Variants in PTPRB observed in about 807,000 individuals in gnomAD.
PTPRB encodes receptor-type tyrosine-protein phosphatase beta.
PTPRB carries 97 observed loss-of-function variants against 238.1 expected under a neutral mutation model. The ratio of observed to expected loss-of-function variants is 0.41; its 90% CI spans 0.35 to 0.48. The LOEUF (loss-of-function observed/expected upper bound fraction) is 0.48. PTPRB is among the 20% of genes least tolerant of loss of function. The pLI is 0.30. For missense variants in PTPRB, 2,292 were observed against 2,681.9 expected (o/e 0.85, Z 3.21); for synonymous variants, 970 against 995.4 (o/e 0.97, Z 0.48).
At position 70,566,418 on chromosome 12, in the gene PTPRB, T is replaced by G; in HGVS notation, c.3904+17A>C. ...ATTGGCAATATGTGCTACAAAACAT[T>G]ATGCTGTGCTAATTACCTGTTCGGC... is the stretch of plus-strand genomic sequence containing the variant. On this transcript the variant is annotated intron_variant, in intron 15 of 33. Transcript: ENST00000334414. 6.2e-7 allele frequency: 1 copy of G among 1,611,634 alleles called. No homozygotes were observed. The highest frequency in any genetic ancestry group is 8.5e-7 in the Non-Finnish European group (1 of 1,178,594).
intron 3 of PTPRB, among the ~76,000 whole-genome samples, chr12:70,619,897 C>T (rs1393711110): frequency 6.6e-6 from 1 of 152,072 alleles, no homozygotes; most frequent in Non-Finnish European, 1.5e-5. Flanking sequence ...AATTTATATC[C>T]CAAGTGACTC....
At position 70,519,601 on chromosome 12, in the gene PTPRB, G is replaced by C. The variant is rs1212419595; in HGVS notation, c.*1888C>G. The stretch of plus-strand genomic sequence containing the variant: ...ATGTGCTTTGCATCAAGCAACATTA[G>C]TGTAAAATTCTGCTTTTTCTCTTTT... On this transcript the variant is annotated 3_prime_UTR_variant, in exon 34 of 34. Coordinates refer to ENST00000334414, the MANE Select transcript of PTPRB (RefSeq NM_001109754.4). The C allele has an allele frequency of 6.6e-6, 1 of 152,228 alleles. No individual in the cohort carries two copies. The highest frequency in any genetic ancestry group is 1.9e-4 in the East Asian group (1 of 5,204). 9.4% of individuals were successfully genotyped at this position (152,228 alleles called of 1,614,324 possible).
chr12:70,636,072 A>G lies in PTPRB; in HGVS notation c.56-6T>C. 1.3e-6 allele frequency: 2 copies of G among 1,599,170 alleles called. No homozygotes were observed. The highest frequency in any genetic ancestry group is 1.7e-6 in the Non-Finnish European group (2 of 1,171,908). ...ATGGACAATCTGAAACCCTTCTGGA[A>G]GATGAAAAGCTCATAAAGCACTATG... On this transcript the variant is annotated splice_region_variant and splice_polypyrimidine_tract_variant and intron_variant, in intron 1 of 33. Transcript: ENST00000334414.
chr12:70,533,031 C>T (rs1376118034), intron 31 of PTPRB, among the ~76,000 whole-genome samples: 1 of 152,122 alleles, frequency 6.6e-6, no homozygotes, highest in Non-Finnish European at 1.5e-5. Flanking sequence ...TCTATTAAAA[C>T]ATGTGTTGCA....
chr12:70,541,596 G>A (rs2567141), intron 22 of PTPRB: 146,860 of 152,412 alleles, frequency 0.96, 70,784 homozygotes, highest in East Asian at 1. Flanking sequence ...AAGAAACCGC[G>A]TACCTATTAG....
chr12:70,570,993 C>T lies in PTPRB; in HGVS notation c.3370+33G>A. 3 of 1,606,302 alleles carry T rather than the reference C, an allele frequency of 1.9e-6. No individual in the cohort carries two copies. In the East Asian group the frequency reaches 6.7e-5, roughly 36 times the overall value. ...CCGAAAGTTAAATGCACCACTGCAT[C>T]TATTCAGGTTCAAGAACAGTATTTC... is the stretch of plus-strand genomic sequence containing the variant. On this transcript the variant is annotated intron_variant, in intron 13 of 33. Coordinates refer to ENST00000334414, the MANE Select transcript of PTPRB (RefSeq NM_001109754.4).
intron 11 of PTPRB, among the ~76,000 whole-genome samples, chr12:70,575,419 C>T (rs1277551986): frequency 1.3e-5 from 2 of 152,162 alleles, no homozygotes; most frequent in African/African-American, 4.8e-5. Flanking sequence ...AATGCATATA[C>T]CTTTCCTATC....
Position 70,538,343 on chromosome 12 carries a change from C to T in PTPRB, c.5870-112G>A. The T allele has an allele frequency of 3.5e-6, 3 of 850,982 alleles. No homozygotes were observed. In the South Asian group the frequency reaches 5.5e-5, roughly 16 times the overall value. 52.7% of individuals were successfully genotyped at this position (850,982 alleles called of 1,614,324 possible). A position where few individuals can be genotyped will look rare whatever the true frequency, so the allele number is the denominator to read the frequency against. Reference sequence around the variant, plus strand: ...ACAACAGCCACAGATGGGAAGTGATCTTATCTCCATTTTGCAGATGAGGCT... The same window carrying T: ...ACAACAGCCACAGATGGGAAGTGATTTTATCTCCATTTTGCAGATGAGGCT... On this transcript the variant is annotated intron_variant, in intron 27 of 33. Transcript: ENST00000334414.
intron 2 of PTPRB, among the ~76,000 whole-genome samples, chr12:70,630,967 T>G (rs1191612968): frequency 6.6e-6 from 1 of 152,214 alleles, no homozygotes; most frequent in African/African-American, 2.4e-5. Context: ...TGCTCATGGA[T>G]AGGAAGAATC....
At chr12:70,632,522 A>G (rs189353347) in intron 2 of PTPRB, among the ~76,000 whole-genome samples, 1,547 of 152,052 alleles carry the variant, frequency 0.01, 17 homozygotes, top group South Asian at 0.021. Flanking sequence ...GCACACGTAT[A>G]CCTATGTAAC....
intron 15 of PTPRB, among the ~76,000 whole-genome samples, chr12:70,564,885 T>TA (rs776797337): frequency 0.028 from 980 of 34,700 alleles, 10 homozygotes; most frequent in East Asian, 0.073. Context: ...ATAATAATAA[T>TA]AATAAATAGA....
At position 70,574,310 on chromosome 12, in the gene PTPRB, T is replaced by C. The variant is rs199860283; in HGVS notation, c.2842+2072A>G. Among the ~76,000 whole-genome samples, 8 of 152,368 alleles carry C rather than the reference T, an allele frequency of 5.3e-5. No individual in the cohort carries two copies. In the East Asian group the frequency reaches 1.5e-3, roughly 29 times the overall value. ...TTAGCATCCTTTGTTGCCTTGTGTT[T>C]ACTGATTAGTGTTTGGAATATAGCT... On this transcript the variant is annotated intron_variant, in intron 11 of 33. Transcript: ENST00000334414.
intron 32 of PTPRB, among the ~76,000 whole-genome samples, chr12:70,527,264 A>G (rs1006753409): frequency 6.6e-6 from 1 of 152,202 alleles, no homozygotes; most frequent in Non-Finnish European, 1.5e-5. Context: ...CATACAGGAG[A>G]GAAAGCCATT....
intron 15 of PTPRB, among the ~76,000 whole-genome samples, chr12:70,565,853 G>A (rs865928001): frequency 2.6e-5 from 4 of 152,148 alleles, no homozygotes; most frequent in South Asian, 2.1e-4. Flanking sequence ...ATCTTGAGAC[G>A]AAGGAATTAT....
intron 4 of PTPRB, among the ~76,000 whole-genome samples, chr12:70,602,042 A>G (rs1883554630): frequency 1.3e-5 from 2 of 151,906 alleles, no homozygotes; most frequent in African/African-American, 2.4e-5. Flanking sequence ...TGATCTGCCC[A>G]CCTCGGCCTC....
Position 70,520,620 on chromosome 12 carries a change from A to C in PTPRB, c.*869T>G. On this transcript the variant is annotated 3_prime_UTR_variant, in exon 34 of 34. Transcript: ENST00000334414. The stretch of plus-strand genomic sequence containing the variant: ...GACAGAAACTAGTGTGTATAAATAC[A>C]TTACAGTATGGGTGTGGATGTTCAC... 5.7e-6 allele frequency: 1 copy of C among 176,336 alleles called. No homozygotes were observed. The highest frequency in any genetic ancestry group is 1.2e-4 in the South Asian group (1 of 8,118). The allele number at this position is 176,336 out of a possible 1,614,324, so 10.9% of individuals were successfully genotyped here.
intron 21 of PTPRB, among the ~76,000 whole-genome samples, chr12:70,550,194 AG>A (rs1565929291): frequency 6.6e-6 from 1 of 152,294 alleles, no homozygotes; most frequent in South Asian, 2.1e-4. Flanking sequence ...TGGGTGGTTG[AG>A]GGTTGAGCTG....
At chr12:70,528,596 A>C (rs963799454) in intron 32 of PTPRB, among the ~76,000 whole-genome samples, 4 of 152,190 alleles carry the variant, frequency 2.6e-5, no homozygotes, top group African/African-American at 9.6e-5. Flanking sequence ...CATTGAGCCC[A>C]GGAGTTTGAG....
At chr12:70,599,339 C>T (rs1883286113) in intron 4 of PTPRB, among the ~76,000 whole-genome samples, 1 of 151,954 alleles carries the variant, frequency 6.6e-6, no homozygotes, top group Non-Finnish European at 1.5e-5. Context: ...TTAGGAAATC[C>T]TACTTGACTT....
Sources: allele counts gnomAD v4.1 joint callset (sites outside exome capture counted in the v4.1 genomes callset), GRCh38; gene constraint gnomAD v4.1.1; transcripts MANE v1.5; gene names NCBI Gene and HGNC (gene_info 2026-07-23, HGNC 2026-07-21).